The following IGDCC4 variants were observed in gnomAD, a reference collection of about 807,000 sequenced individuals.
IGDCC4 encodes immunoglobulin superfamily DCC subclass member 4.
A neutral mutation model predicts 116.6 loss-of-function variants in IGDCC4; 72 were observed. The ratio of observed to expected loss-of-function variants is 0.62; its 90% CI spans 0.51 to 0.75. The LOEUF (loss-of-function observed/expected upper bound fraction) is 0.75, where lower values mean the gene tolerates loss of function less well. Among genes scored for constraint, IGDCC4 ranks in the 30% least tolerant of loss-of-function variants. The pLI is 0.00. For synonymous variants in IGDCC4, 709 were observed against 719.9 expected, an observed-to-expected ratio of 0.98 and a Z score of 0.24; for missense variants, 1,501 against 1,662.4, an observed-to-expected ratio of 0.90 and a Z score of 1.69.
rs371134708 is a variant in IGDCC4, at chr15:65,402,395, C to A, written c.656G>T (p.Arg219Leu). 1.3e-6 allele frequency: 2 copies of A among 1,571,580 alleles called. No individual in the cohort carries two copies. The highest frequency in any genetic ancestry group is 3.7e-5 in the Admixed American group (2 of 53,820). The change falls in exon 4 of 20, where the codon CGC becomes CTC. Residue 219 changes from arginine to leucine, a missense_variant. Arg to Leu is a moderately radical substitution (Grantham distance 102). This residue lies in a region of IGDCC4 where 898 missense variants were observed against 978.9 expected (regional missense o/e 0.92). Coordinates refer to ENST00000352385, the MANE Select transcript of IGDCC4 (RefSeq NM_020962.3). Reference protein sequence around the residue: ...PYRCVATNSARQHFSQEALLS... With the variant: ...PYRCVATNSALQHFSQEALLS... ...TAGGGCCTCCTGGCTGAAGTGCTGG[C>A]GAGCTGAGTTGGTGGCCACGCAGCG...
At position 65,393,636 on chromosome 15, in the gene IGDCC4, GT is replaced by G. The variant is rs1352096951; in HGVS notation, c.1715-106del. On this transcript the variant is annotated intron_variant, in intron 9 of 19. Coordinates refer to ENST00000352385, the MANE Select transcript of IGDCC4 (RefSeq NM_020962.3). The surrounding 1 kb of genome is among the most constrained non-coding windows in gnomAD (Gnocchi z 4.6). ...CTCACATCCCGGTTCCTCCGTGCCC[GT>G]GGGAGCCTGAGGCGTTCTCAGCACT... 30 of 1,227,850 alleles carry G rather than the reference GT, an allele frequency of 2.4e-5. No homozygotes were observed. Among genetic ancestry groups the G allele is most frequent in the Non-Finnish European group, 3.3e-5 (29 of 888,120 alleles). 76.1% of individuals were successfully genotyped at this position (1,227,850 alleles called of 1,614,324 possible).
At chr15:65,394,998 T>C in intron 8 of IGDCC4, 96 bp downstream of exon 8, 1 of 1,346,858 alleles carries the variant, frequency 7.4e-7, no homozygotes, top group Non-Finnish European at 1.0e-6. Context: ...TATGAGCAGG[T>C]AAAAATGCCT....
chr15:65,400,067 A>G (rs2062969711), intron 5 of IGDCC4, among the ~76,000 whole-genome samples: 1 of 152,194 alleles, frequency 6.6e-6, no homozygotes. Context: ...CACTGGGAAT[A>G]ATAGTTCTGG....
intron 3 of IGDCC4, among the ~76,000 whole-genome samples, chr15:65,406,087 G>A (rs115776665): frequency 1.5e-4 from 23 of 152,212 alleles, no homozygotes; most frequent in African/African-American, 5.5e-4. Flanking sequence ...TGTTATTTAA[G>A]TCCCTTAGTT....
Position 65,388,909 on chromosome 15 carries a change from C to A in IGDCC4, c.2606G>T (p.Cys869Phe), listed in dbSNP as rs1365917414. The A allele has an allele frequency of 6.2e-7, 1 of 1,613,650 alleles. No homozygotes were observed. Among genetic ancestry groups the A allele is most frequent in the South Asian group, 1.1e-5 (1 of 91,034 alleles). Residue 869 changes from cysteine (C) to phenylalanine (F), a missense_variant, in exon 15 of 20, where the codon TGC becomes TTC. Around this residue, in one of 3 missense-constraint regions of IGDCC4, gnomAD observed 235 missense variants for 328.0 expected, o/e 0.72. Transcript: ENST00000352385. ...LTPSTVRLHW[C>F]PPTEPNGEIV... ...CTCCCCGTTGGGCTCTGTGGGGGGG[C>A]ACCAGTGCAGCCGAACCGTGGACGG...
intron 5 of IGDCC4, among the ~76,000 whole-genome samples, chr15:65,399,331 C>G (rs1033839439): frequency 5.3e-5 from 8 of 151,014 alleles, no homozygotes; most frequent in African/African-American, 1.7e-4. Flanking sequence ...CATAGCGGCA[C>G]ATGCCTGTAG....
intron 11 of IGDCC4, 29 bp downstream of exon 11, chr15:65,392,105 T>TCCCACCCCCACC: frequency 7.0e-7 from 1 of 1,429,194 alleles, no homozygotes; most frequent in Non-Finnish European, 9.7e-7. Context: ...GCTACATCCC[T>TCCCACCCCCACC]CCCTCCCCCT....
At chr15:65,396,624 T>C (rs930368263) in intron 6 of IGDCC4, among the ~76,000 whole-genome samples, 3 of 151,636 alleles carry the variant, frequency 2.0e-5, no homozygotes, top group Non-Finnish European at 4.4e-5. Flanking sequence ...CCCCTCTCGC[T>C]CCATCCCAGA....
intron 12 of IGDCC4, 107 bp from the exon 13 acceptor site, chr15:65,390,445 A>G: frequency 1.1e-6 from 1 of 886,822 alleles, no homozygotes; most frequent in Non-Finnish European, 1.6e-6. Context: ...CACTCCTTTG[A>G]TCCTGTGAGT....
intron 3 of IGDCC4, among the ~76,000 whole-genome samples, chr15:65,402,984 T>C (rs1336966006): frequency 6.6e-6 from 1 of 152,232 alleles, no homozygotes; most frequent in Non-Finnish European, 1.5e-5. Context: ...CCTGCCTCGA[T>C]GGTGGCCCTG....
intron 2 of IGDCC4, 125 bp from the exon 3 acceptor site, chr15:65,410,444 G>T: frequency 8.7e-7 from 1 of 1,148,654 alleles, no homozygotes; most frequent in South Asian, 1.4e-5. Context: ...ACACACAGCA[G>T]AGCCAATTCA....
At chr15:65,395,303 C>G (rs754193183) in intron 7 of IGDCC4, 45 bp from the exon 8 acceptor site, 1 of 1,575,640 alleles carries the variant, frequency 6.3e-7, no homozygotes, top group Non-Finnish European at 8.7e-7. Context: ...GCCACCCCCC[C>G]GTGCTGGCTA....
chr15:65,422,160 C>T (rs1329906120), intron 1 of IGDCC4, among the ~76,000 whole-genome samples: 5 of 152,072 alleles, frequency 3.3e-5, no homozygotes, highest in Non-Finnish European at 5.9e-5. Context: ...TCCCTCTACC[C>T]CTCTCTAACC....
intron 2 of IGDCC4, 109 bp downstream of exon 2, chr15:65,410,910 GA>G: frequency 1.3e-6 from 1 of 788,752 alleles, no homozygotes; most frequent in Non-Finnish European, 2.0e-6. Flanking sequence ...GGGAAAGGGG[GA>G]GTGGGATCAA....
intron 1 of IGDCC4, among the ~76,000 whole-genome samples, chr15:65,421,480 G>C (rs1031496620): frequency 6.6e-6 from 1 of 152,194 alleles, no homozygotes; most frequent in African/African-American, 2.4e-5. Flanking sequence ...TCCGCTGTTG[G>C]GGCTGGAAAG....
At position 65,384,006 on chromosome 15, in the gene IGDCC4, G is replaced by T; in HGVS notation, c.*3C>A. On this transcript the variant is annotated 3_prime_UTR_variant, in exon 20 of 20. Coordinates refer to ENST00000352385, the MANE Select transcript of IGDCC4 (RefSeq NM_020962.3). The surrounding 1 kb of genome is among the most constrained non-coding windows in gnomAD (Gnocchi z 4.9). Reference sequence around the variant, plus strand: ...TGCCCCAAACCACATCCTCTGGGAAGAGCTAGGCAGAGGAGGAGACCGGGG... The same window carrying T: ...TGCCCCAAACCACATCCTCTGGGAATAGCTAGGCAGAGGAGGAGACCGGGG... The T allele has an allele frequency of 6.3e-7, 1 of 1,578,472 alleles. No homozygotes were observed. Among genetic ancestry groups the T allele is most frequent in the East Asian group, 2.3e-5 (1 of 44,248 alleles).
chr15:65,414,800 CCTGA>C (rs1485150123), intron 1 of IGDCC4, among the ~76,000 whole-genome samples: 9 of 152,212 alleles, frequency 5.9e-5, no homozygotes, highest in African/African-American at 1.9e-4. Flanking sequence ...CGCCATCACA[CCTGA>C]CTAATTTTTG....
chr15:65,417,445 G>A (rs1441392168), intron 1 of IGDCC4, among the ~76,000 whole-genome samples: 2 of 152,132 alleles, frequency 1.3e-5, no homozygotes, highest in African/African-American at 2.4e-5. Context: ...AGCAAACCAT[G>A]GCCAATTCTC....
At chr15:65,421,206 C>T (rs779520383) in intron 1 of IGDCC4, among the ~76,000 whole-genome samples, 1 of 152,226 alleles carries the variant, frequency 6.6e-6, no homozygotes, top group Non-Finnish European at 1.5e-5. Context: ...AGCTGGGTCC[C>T]TCGCGGCAGG....
Sources: gnomAD v4.1 joint callset for allele counts (sites outside exome capture counted in the v4.1 genomes callset) on GRCh38, gnomAD v4.1.1 for gene constraint, gnomAD v4.1.1 regional missense constraint, Gnocchi (gnomAD v3.1) non-coding constraint, MANE v1.5 for transcripts, NCBI Gene and HGNC (gene_info 2026-07-23, HGNC 2026-07-21) for gene names.